Variants in SYNRG observed in about 807,000 individuals in gnomAD.
The protein encoded by SYNRG is AP1 gamma subunit binding protein 1.
SYNRG carries 37 observed loss-of-function variants against 130.9 expected under a neutral mutation model. The ratio of observed to expected loss-of-function variants is 0.28; its 90% confidence interval spans 0.22 to 0.37. The LOEUF (loss-of-function observed/expected upper bound fraction) is 0.37. SYNRG is among the 10% of genes least tolerant of loss of function. SYNRG has a pLI of 1.00. For synonymous variants in SYNRG, 539 were observed against 568.1 expected (o/e 0.95, Z 0.73); for missense variants, 1,338 against 1,588.9 (o/e 0.84, Z 2.68).
chr17:37,573,718 A>G (rs2060608995), intron 8 of SYNRG, among the ~76,000 whole-genome samples: 1 of 151,250 alleles, frequency 6.6e-6, no homozygotes, highest in African/African-American at 2.4e-5. Context: ...TGAAAACTAT[A>G]AAACATTAAT....
At chr17:37,580,025 TA>T (rs2146300559) in intron 6 of SYNRG, among the ~76,000 whole-genome samples, 1 of 152,332 alleles carries the variant, frequency 6.6e-6, no homozygotes, top group East Asian at 1.9e-4. Context: ...AAGTGATGAT[TA>T]TTTTTGCAGT....
rs200792076 is a variant in SYNRG, at chr17:37,584,497, T to G, written c.589+151A>C. ...ATCCAGACCAGAGCTCTTAAGCCACTGTATATTTGAGAACATCCAAATCTG... is the reference window on the plus strand; with the variant it reads ...ATCCAGACCAGAGCTCTTAAGCCACGGTATATTTGAGAACATCCAAATCTG... On this transcript the variant is annotated intron_variant, in intron 6 of 21. Transcript: ENST00000612223. The G allele has an allele frequency of 1.8e-3, 1,050 of 579,308 alleles. 2 individuals are homozygous for G. Among genetic ancestry groups the G allele is most frequent in the Non-Finnish European group, 2.9e-3 (952 of 324,988 alleles). 35.9% of individuals were successfully genotyped at this position (579,308 alleles called of 1,614,324 possible). A position where few individuals can be genotyped will look rare whatever the true frequency, so the allele number is the denominator to read the frequency against.
Position 37,542,553 on chromosome 17 carries a change from A to G in SYNRG, c.2621T>C (p.Leu874Ser). 1 of 1,610,772 alleles carries G rather than the reference A, an allele frequency of 6.2e-7. No individual in the cohort carries two copies. The highest frequency in any genetic ancestry group is 8.5e-7 in the Non-Finnish European group (1 of 1,179,432). The change falls in exon 15 of 22, where the codon TTA (leucine) becomes TCA (serine). Residue 874 changes from leucine to serine, a missense_variant. Leu to Ser is a moderately radical substitution (Grantham distance 145, BLOSUM62 -2). This residue lies in a region of SYNRG where 1,146 missense variants were observed against 1,342.3 expected (regional missense o/e 0.85). Transcript: ENST00000612223. Reference protein sequence around the residue: ...QHPPAADIEDLKYAAFGSYSS... With the variant: ...QHPPAADIEDSKYAAFGSYSS... Reference sequence around the variant, plus strand: ...GTAGCTTCCAAAAGCAGCATATTTTAAGTCCTCTATATCTGAAAGGGAAAT... The same window carrying G: ...GTAGCTTCCAAAAGCAGCATATTTTGAGTCCTCTATATCTGAAAGGGAAAT...
intron 3 of SYNRG, among the ~76,000 whole-genome samples, chr17:37,592,569 C>A (rs2062292842): frequency 6.6e-6 from 1 of 152,114 alleles, no homozygotes; most frequent in South Asian, 2.1e-4. Flanking sequence ...ACATCCACAC[C>A]ATGGACTATT....
chr17:37,607,973 A>C lies in SYNRG; in HGVS notation c.77+1306T>G, dbSNP rs4994118. 1.4e-3 allele frequency among the ~76,000 whole-genome samples: 198 copies of C among 139,264 alleles called. 2 individuals carry two copies. Among genetic ancestry groups the C allele is most frequent in the African/African-American group, 4.6e-3 (182 of 39,338 alleles). The allele number at this position is 139,264 out of a possible 152,430, so 91.4% of individuals were successfully genotyped here. On this transcript the variant is annotated intron_variant, in intron 1 of 21. Transcript: ENST00000612223. Reference sequence around the variant, plus strand: ...TTCCTCTCAAAAAAAAAAAAAAAAAAAAAAAAACAAGACAAAAGAAAAAGA... The same window carrying C: ...TTCCTCTCAAAAAAAAAAAAAAAAACAAAAAAACAAGACAAAAGAAAAAGA...
chr17:37,571,023 A>G, intron 9 of SYNRG, 138 bp from the exon 10 acceptor site: 1 of 1,185,818 alleles, frequency 8.4e-7, no homozygotes, highest in South Asian at 1.6e-5. Context: ...AATTTGATTT[A>G]AGAAAAAAAG....
At chr17:37,580,604 G>A (rs186842498) in intron 6 of SYNRG, among the ~76,000 whole-genome samples, 3 of 151,648 alleles carry the variant, frequency 2.0e-5, no homozygotes, top group African/African-American at 7.3e-5. Flanking sequence ...GCGCGATCTC[G>A]GCTCACTGCA....
At chr17:37,581,765 C>CTTTT (rs398041650) in intron 6 of SYNRG, among the ~76,000 whole-genome samples, 1 of 105,306 alleles carries the variant, frequency 9.5e-6, no homozygotes, top group Non-Finnish European at 2.0e-5. Context: ...CATTTTTTTT[C>CTTTT]TTTTTTTTTT....
intron 8 of SYNRG, 40 bp from the exon 9 acceptor site, chr17:37,572,027 C>A (rs546528271): frequency 6.5e-7 from 1 of 1,534,694 alleles, no homozygotes; most frequent in Admixed American, 1.9e-5. Flanking sequence ...GAAACACATT[C>A]CAAGTGATTT....
Position 37,518,818 on chromosome 17 carries a change from C to T in SYNRG, c.*122G>A, listed in dbSNP as rs559742219. ...GGGATGACGGGGGCCCCGTCCCTTG[C>T]GGTGTTCTTCATATCGATTCAGGGA... On this transcript the variant is annotated 3_prime_UTR_variant, in exon 22 of 22. Transcript: ENST00000612223. 4.0e-5 allele frequency: 57 copies of T among 1,418,560 alleles called. No homozygotes were observed. The highest frequency in any genetic ancestry group is 2.6e-4 in the African/African-American group (18 of 69,928). The allele number at this position is 1,418,560 out of a possible 1,614,324, so 87.9% of individuals were successfully genotyped here.
chr17:37,571,768 C>G, intron 9 of SYNRG, 23 bp downstream of exon 9: 1 of 1,573,572 alleles, frequency 6.4e-7, no homozygotes, highest in Non-Finnish European at 8.6e-7. Context: ...GTTATTTGAT[C>G]TAACTTAAGA....
At chr17:37,573,129 T>G (rs1042256656) in intron 8 of SYNRG, among the ~76,000 whole-genome samples, 1 of 152,054 alleles carries the variant, frequency 6.6e-6, no homozygotes, top group Non-Finnish European at 1.5e-5. Context: ...TTTGGCCAGA[T>G]GTGGTGGCTC....
intron 1 of SYNRG, among the ~76,000 whole-genome samples, chr17:37,602,224 A>T (rs1015715039): frequency 6.6e-6 from 1 of 151,726 alleles, no homozygotes; most frequent in Non-Finnish European, 1.5e-5. Flanking sequence ...AATTCCAGCT[A>T]CTCAGGAGGC....
rs1233286330 is a variant in SYNRG, at chr17:37,568,923, A to G, written c.1349T>C (p.Val450Ala). The G allele has an allele frequency of 6.2e-7, 1 of 1,612,104 alleles. No homozygotes were observed. Among genetic ancestry groups the G allele is most frequent in the Non-Finnish European group, 8.5e-7 (1 of 1,179,240 alleles). The change falls in exon 11 of 22, where the codon GTA (valine) becomes GCA (alanine). Residue 450 changes from valine to alanine, a missense_variant and splice_region_variant. Coordinates refer to ENST00000612223, the MANE Select transcript of SYNRG (RefSeq NM_007247.6). ...GFIPTYPANQ[V>A]VKPEEDDFQD... ...GAAGTCATCTTCTTCTGGCTTTACT[A>G]CCTAGGTTTATAAAGGTCATTTAAA...
At chr17:37,580,908 G>A (rs929588421) in intron 6 of SYNRG, among the ~76,000 whole-genome samples, 2 of 152,152 alleles carry the variant, frequency 1.3e-5, no homozygotes, top group Admixed American at 6.6e-5. Context: ...AACCTCAGGT[G>A]ATCCACCCAC....
At chr17:37,533,847 G>A (rs1234178854) in intron 19 of SYNRG, among the ~76,000 whole-genome samples, 6 of 148,790 alleles carry the variant, frequency 4.0e-5, no homozygotes, top group Non-Finnish European at 8.9e-5. Context: ...AAAGTGCTGG[G>A]ATTACAGGCA....
At chr17:37,538,031 A>G in intron 18 of SYNRG, among the ~76,000 whole-genome samples, 1 of 152,230 alleles carries the variant, frequency 6.6e-6, no homozygotes, top group Admixed American at 6.5e-5. Context: ...AGACAAGATG[A>G]TTTTACTTTA....
intron 1 of SYNRG, among the ~76,000 whole-genome samples, chr17:37,607,055 C>A (rs544606529): frequency 5.9e-5 from 9 of 152,310 alleles, no homozygotes; most frequent in African/African-American, 2.2e-4. Context: ...GAGGATACAG[C>A]TTCTCAGCCT....
At chr17:37,597,023 T>C (rs889650838) in intron 2 of SYNRG, among the ~76,000 whole-genome samples, 2 of 152,208 alleles carry the variant, frequency 1.3e-5, no homozygotes, top group Non-Finnish European at 2.9e-5. Flanking sequence ...ATTACAGGTG[T>C]GAGCCACTGT....
Sources: allele counts gnomAD v4.1 joint callset (sites outside exome capture counted in the v4.1 genomes callset), GRCh38; gene constraint gnomAD v4.1.1; regional missense constraint gnomAD v4.1.1; transcripts MANE v1.5; gene names NCBI Gene and HGNC (gene_info 2026-07-23, HGNC 2026-07-21).